The following STK33 variants were observed in gnomAD, a reference collection of about 807,000 sequenced individuals.
STK33 encodes the protein serine/threonine-protein kinase 33.
STK33 carries 52 observed loss-of-function variants against 58.0 expected under a neutral mutation model. That is an observed-to-expected ratio of 0.90 (90% CI 0.72 to 1.13). The LOEUF is 1.13. Ranked by LOEUF, STK33 falls within the 50% of genes most tolerant of loss-of-function variation. The pLI is 0.00. For missense variants in STK33, 630 were observed against 604.2 expected (o/e 1.04, Z -0.45); for synonymous variants, 215 against 200.1 (o/e 1.07, Z -0.63).
chr11:8,539,508 C>T (rs1955334223), intron 1 of STK33, among the ~76,000 whole-genome samples: 1 of 152,186 alleles, frequency 6.6e-6, no homozygotes, highest in South Asian at 2.1e-4. Flanking sequence ...CAAAAACAGG[C>T]TATGTCCTAC....
intron 15 of STK33, among the ~76,000 whole-genome samples, chr11:8,397,181 C>T (rs904175951): frequency 2.0e-5 from 3 of 152,252 alleles, no homozygotes; most frequent in South Asian, 4.1e-4. Flanking sequence ...GGGTCCCTGA[C>T]CCCTGAGTAG....
chr11:8,522,926 G>C (rs771135490), intron 1 of STK33, among the ~76,000 whole-genome samples: 57 of 152,234 alleles, frequency 3.7e-4, no homozygotes, highest in Non-Finnish European at 7.4e-4. Context: ...CGAGTGCCTG[G>C]GATTGCAGGC....
the STK33 span, among the ~76,000 whole-genome samples, chr11:8,363,420 C>G: frequency 6.6e-6 from 1 of 152,068 alleles, no homozygotes; most frequent in African/African-American, 2.4e-5. Context: ...GGAATATATC[C>G]CACACCCCAG....
chr11:8,516,239 A>ATG (rs2139634295), intron 1 of STK33, among the ~76,000 whole-genome samples: 1 of 152,342 alleles, frequency 6.6e-6, no homozygotes, highest in South Asian at 2.1e-4. Context: ...TAGAGATCCC[A>ATG]GAAATAAACC....
At chr11:8,585,352 G>A (rs2031352617) in intron 1 of STK33, among the ~76,000 whole-genome samples, 1 of 149,754 alleles carries the variant, frequency 6.7e-6, no homozygotes. Context: ...AACCTCCTGA[G>A]TAGCTGGGAC....
At chr11:8,551,979 C>T (rs959076592) in intron 1 of STK33, among the ~76,000 whole-genome samples, 2 of 152,322 alleles carry the variant, frequency 1.3e-5, no homozygotes, top group East Asian at 1.9e-4. Context: ...AAGATCTGCA[C>T]ACCAGTCACT....
chr11:8,378,739 G>C, the STK33 span, among the ~76,000 whole-genome samples: 7 of 152,002 alleles, frequency 4.6e-5, no homozygotes, highest in Non-Finnish European at 7.4e-5. Flanking sequence ...TACAGATTCA[G>C]TGCAATTCCT....
chr11:8,341,706 T>A, the STK33 span, among the ~76,000 whole-genome samples: 1 of 152,196 alleles, frequency 6.6e-6, no homozygotes, highest in Non-Finnish European at 1.5e-5. Context: ...TAGGAGAGCA[T>A]GTCATGAAGT....
At chr11:8,573,920 G>C (rs1404557028) in intron 1 of STK33, among the ~76,000 whole-genome samples, 2 of 152,196 alleles carry the variant, frequency 1.3e-5, no homozygotes, top group African/African-American at 4.8e-5. Flanking sequence ...GAGAGGGGTA[G>C]GTATGAGTAT....
the STK33 span, among the ~76,000 whole-genome samples, chr11:8,379,382 A>G: frequency 6.6e-6 from 1 of 152,214 alleles, no homozygotes; most frequent in African/African-American, 2.4e-5. Flanking sequence ...AGAAAATATT[A>G]GCAAACTATG....
chr11:8,460,021 A>C (rs1947329403), intron 8 of STK33, among the ~76,000 whole-genome samples: 1 of 152,230 alleles, frequency 6.6e-6, no homozygotes, highest in Non-Finnish European at 1.5e-5. Flanking sequence ...GGAAAAAATT[A>C]GTCCTAAAGG....
chr11:8,404,969 T>C (rs1346820035), intron 15 of STK33, among the ~76,000 whole-genome samples: 1 of 152,062 alleles, frequency 6.6e-6, no homozygotes, highest in East Asian at 1.9e-4. Flanking sequence ...TAAAACCCCA[T>C]CTCTATTAAA....
intron 15 of STK33, among the ~76,000 whole-genome samples, chr11:8,409,154 C>T (rs956472859): frequency 3.9e-5 from 6 of 152,194 alleles, no homozygotes; most frequent in African/African-American, 1.4e-4. Context: ...TTCTGCACAA[C>T]TATACAACAA....
intron 1 of STK33, among the ~76,000 whole-genome samples, chr11:8,567,097 G>A (rs914934161): frequency 3.3e-5 from 5 of 152,092 alleles, no homozygotes; most frequent in African/African-American, 1.2e-4. Context: ...CCAAGATCGA[G>A]CCATTGCATT....
rs569089570 is a variant in STK33 at position 8,413,191 on chromosome 11, G to A, written c.1344+304C>T. Among the ~76,000 whole-genome samples the A allele has an allele frequency of 5.9e-5, 9 of 152,274 alleles. 1 individual carries two copies. Among genetic ancestry groups the A allele is most frequent in the South Asian group, 4.1e-4 (2 of 4,822 alleles). On this transcript the variant is annotated intron_variant, in intron 15 of 15. Coordinates refer to ENST00000687296, the MANE Select transcript of STK33 (RefSeq NM_001352389.2). ...TCTATGGCTGTTTTCACGCTACAACGTCAGAGATGAGTAGTTGTGACAAAG... is the reference window on the plus strand; with the variant it reads ...TCTATGGCTGTTTTCACGCTACAACATCAGAGATGAGTAGTTGTGACAAAG...
the STK33 span, among the ~76,000 whole-genome samples, chr11:8,355,413 T>C: frequency 3.3e-5 from 5 of 152,266 alleles, no homozygotes; most frequent in African/African-American, 1.2e-4. Flanking sequence ...GCTACGGTAC[T>C]GGACGGCTCT....
At chr11:8,568,220 T>C (rs920919111) in intron 1 of STK33, among the ~76,000 whole-genome samples, 4 of 152,332 alleles carry the variant, frequency 2.6e-5, no homozygotes, top group Admixed American at 6.5e-5. Flanking sequence ...TTCATTTTAG[T>C]AATTCACATT....
At chr11:8,509,744 G>C (rs1952158671) in intron 1 of STK33, among the ~76,000 whole-genome samples, 1 of 152,036 alleles carries the variant, frequency 6.6e-6, no homozygotes, top group African/African-American at 2.4e-5. Context: ...CCACTTATAA[G>C]TGAGAACATA....
chr11:8,592,737 C>T (rs1428781239), intron 1 of STK33, among the ~76,000 whole-genome samples: 1 of 152,052 alleles, frequency 6.6e-6, no homozygotes, highest in Admixed American at 6.5e-5. Flanking sequence ...ACATGGTCAC[C>T]CAACTTTTTG....
Sources: gnomAD v4.1 joint callset for allele counts (sites outside exome capture counted in the v4.1 genomes callset) on GRCh38, gnomAD v4.1.1 for gene constraint, MANE v1.5 for transcripts, NCBI Gene and HGNC (gene_info 2026-07-23, HGNC 2026-07-21) for gene names.